CYP46A1: variants seen among roughly 807,000 people sequenced by gnomAD.
The protein encoded by CYP46A1 is cytochrome P450 family 46 subfamily A member 1, also known as cholesterol 24-hydroxylase.
A neutral mutation model predicts 63.3 loss-of-function variants in CYP46A1; 20 were observed. That is an observed-to-expected ratio of 0.32 (90% CI 0.22 to 0.46). The LOEUF (loss-of-function observed/expected upper bound fraction) is 0.46. Among genes scored for constraint, CYP46A1 ranks in the 20% least tolerant of loss-of-function variants. The pLI, the probability that CYP46A1 is intolerant of heterozygous loss-of-function variation, is 1.00. For missense variants in CYP46A1, 445 were observed against 670.8 expected (o/e 0.66, Z 3.72); for synonymous variants, 268 against 273.6 (o/e 0.98, Z 0.20).
At chr14:99,684,720 G>A in intron 1 of CYP46A1, 184 bp downstream of exon 1, 1 of 658,910 alleles carries the variant, frequency 1.5e-6, no homozygotes, top group Non-Finnish European at 2.8e-6. Flanking sequence ...CGCAGCAGCT[G>A]CTGGGCGCCC....
intron 12 of CYP46A1, among the ~76,000 whole-genome samples, chr14:99,723,288 G>T (rs866657331): frequency 6.6e-6 from 1 of 151,900 alleles, no homozygotes; most frequent in Non-Finnish European, 1.5e-5. Context: ...ATTTTTTACG[G>T]CATACATTTA....
At chr14:99,719,768 T>C (rs917318256) in intron 10 of CYP46A1, among the ~76,000 whole-genome samples, 5 of 150,120 alleles carry the variant, frequency 3.3e-5, no homozygotes, top group African/African-American at 1.2e-4. Flanking sequence ...TTTCTTTTTT[T>C]TTTTTTTTTT....
chr14:99,726,701 C>A lies in CYP46A1; in HGVS notation c.1477C>A (p.Pro493Thr). 1 of 1,540,482 alleles carries A rather than the reference C, an allele frequency of 6.5e-7. No homozygotes were observed. Among genetic ancestry groups the A allele is most frequent in the Non-Finnish European group, 8.8e-7 (1 of 1,141,912 alleles). The change falls in exon 15 of 15, where the codon CCC (proline) becomes ACC (threonine). Residue 493 changes from proline to threonine, a missense_variant. Physicochemically the swap from Pro to Thr is conservative, Grantham distance 38 (BLOSUM62 -1). Coordinates refer to ENST00000261835, the MANE Select transcript of CYP46A1 (RefSeq NM_006668.2). ...CACCCTGCGGCCCCGCGGCTGGCAG[C>A]CCGCACCCCCACCACCCCCCTGCTG... ...LCTLRPRGWQ[P>T]APPPPPC is the part of the protein sequence containing the mutation.
At chr14:99,685,662 A>T (rs186935721) in intron 1 of CYP46A1, among the ~76,000 whole-genome samples, 1 of 152,134 alleles carries the variant, frequency 6.6e-6, no homozygotes, top group East Asian at 1.9e-4. Flanking sequence ...AAATCTCAGG[A>T]CATGAATATT....
chr14:99,725,327 G>C lies in CYP46A1; in HGVS notation c.1177-64G>C. The C allele has an allele frequency of 7.2e-7, 1 of 1,394,128 alleles. No homozygotes were observed. Among genetic ancestry groups the C allele is most frequent in the South Asian group, 1.2e-5 (1 of 84,980 alleles). The allele number at this position is 1,394,128 out of a possible 1,614,324, so 86.4% of individuals were successfully genotyped here. ...TGAGTAGCCCTGTTGGGTGGCCTCAGTGGCTCAAGAGGTGCCAGGGGAACA... is the reference window on the plus strand; with the variant it reads ...TGAGTAGCCCTGTTGGGTGGCCTCACTGGCTCAAGAGGTGCCAGGGGAACA... On this transcript the variant is annotated intron_variant, in intron 12 of 14. Coordinates refer to ENST00000261835, the MANE Select transcript of CYP46A1 (RefSeq NM_006668.2). This position sits in a 1 kb window ranked among gnomAD's most constrained non-coding sequence, Gnocchi z 4.2.
At chr14:99,715,553 G>C (rs1049144033) in intron 7 of CYP46A1, among the ~76,000 whole-genome samples, 1 of 152,116 alleles carries the variant, frequency 6.6e-6, no homozygotes, top group Non-Finnish European at 1.5e-5. Context: ...TTTTTACCTT[G>C]CAGGGCCACG....
chr14:99,696,862 T>C (rs1404941182), intron 3 of CYP46A1, among the ~76,000 whole-genome samples: 1 of 152,230 alleles, frequency 6.6e-6, no homozygotes, highest in Admixed American at 6.5e-5. Flanking sequence ...TTTGACTTCA[T>C]TCTGAGATGA....
At chr14:99,720,897 C>A (rs1284233324) in intron 10 of CYP46A1, among the ~76,000 whole-genome samples, 1 of 149,604 alleles carries the variant, frequency 6.7e-6, no homozygotes, top group African/African-American at 2.5e-5. Flanking sequence ...CCAGCCTGGC[C>A]AACATGGTGA....
rs2056612494 is a variant in CYP46A1, at chr14:99,699,455, G to A, written c.283-11G>A. ...TGCATGAGCCTATGTTGGTTTTTTG[G>A]GGATATTTAGAAGTTCCTGATGTCA... On this transcript the variant is annotated splice_polypyrimidine_tract_variant and intron_variant, in intron 3 of 14. Transcript: ENST00000261835. 6.2e-7 allele frequency: 1 copy of A among 1,613,916 alleles called. No homozygotes were observed. The highest frequency in any genetic ancestry group is 2.2e-5 in the East Asian group (1 of 44,870).
chr14:99,693,636 G>A (rs1370026668), intron 3 of CYP46A1: 2 of 152,184 alleles, frequency 1.3e-5, no homozygotes, highest in Non-Finnish European at 2.9e-5. Context: ...GATAAGTTGG[G>A]AAGTGGTAAC....
intron 7 of CYP46A1, among the ~76,000 whole-genome samples, chr14:99,713,605 A>G (rs2056755831): frequency 6.6e-6 from 1 of 151,212 alleles, no homozygotes; most frequent in Non-Finnish European, 1.5e-5. Flanking sequence ...GTGGCCAGGC[A>G]TGGTGGCTCA....
In CYP46A1 at chr14:99,726,997, C is replaced by T. The variant is rs2056909505; in HGVS notation, c.*270C>T. On this transcript the variant is annotated 3_prime_UTR_variant, in exon 15 of 15. Coordinates refer to ENST00000261835, the MANE Select transcript of CYP46A1 (RefSeq NM_006668.2). ...TGAGCCCTTGCACAGGCCACTTGCT[C>T]AGACGAGACACCCTAACTCTTGCTC... The T allele has an allele frequency of 2.5e-6, 1 of 393,624 alleles. No homozygotes were observed. The highest frequency in any genetic ancestry group is 4.4e-5 in the Admixed American group (1 of 22,734). 24.4% of individuals were successfully genotyped at this position (393,624 alleles called of 1,614,324 possible).
chr14:99,695,164 G>C (rs547356203), intron 3 of CYP46A1, among the ~76,000 whole-genome samples: 5 of 152,290 alleles, frequency 3.3e-5, no homozygotes, highest in African/African-American at 1.2e-4. Flanking sequence ...TCATCATCAT[G>C]ATTTCAGTCC....
chr14:99,713,806 C>A (rs1289409635), intron 7 of CYP46A1, among the ~76,000 whole-genome samples: 1 of 135,120 alleles, frequency 7.4e-6, no homozygotes, highest in Non-Finnish European at 1.5e-5. Flanking sequence ...GCAGAGGTTG[C>A]AGTGAGCCGA....
rs1335175535 is a variant in CYP46A1, at chr14:99,691,917, G to T, written c.282+56G>T. On this transcript the variant is annotated intron_variant, in intron 3 of 14. Transcript: ENST00000261835. ...TTCCCTGCCTTTCCTTGGGTTGGGG[G>T]AGTGAAGCCTGGTCCCAGAGACTTT... 1.9e-6 allele frequency: 3 copies of T among 1,548,266 alleles called. No individual in the cohort carries two copies. In the East Asian group the frequency reaches 6.7e-5, roughly 35 times the overall value.
chr14:99,698,187 C>T (rs769781990), intron 3 of CYP46A1, among the ~76,000 whole-genome samples: 8 of 152,160 alleles, frequency 5.3e-5, no homozygotes, highest in Middle Eastern at 3.4e-3. Flanking sequence ...TACTGCTTCC[C>T]AGCACCCACA....
At position 99,726,222 on chromosome 14, in the gene CYP46A1, G is replaced by C; in HGVS notation, c.1298G>C (p.Gly433Ala). 1.2e-6 allele frequency: 2 copies of C among 1,613,886 alleles called. No individual in the cohort carries two copies. The highest frequency in any genetic ancestry group is 1.7e-6 in the Non-Finnish European group (2 of 1,179,988). ...PRFTYFPFSL[G>A]HRSCIGQQFA... ...TTCACCTACTTCCCCTTCTCCCTGG[G>C]CCACCGCTCCTGCATCGGGCAGCAG... The change falls in exon 14 of 15, where the codon GGC (glycine) becomes GCC (alanine). Residue 433 changes from glycine (G) to alanine (A), a missense_variant. By Grantham distance (60) the Gly-to-Ala change is moderately conservative. Around this residue, in one of 4 missense-constraint regions of CYP46A1, gnomAD observed 95 missense variants for 156.9 expected, o/e 0.61. Transcript: ENST00000261835.
intron 5 of CYP46A1, among the ~76,000 whole-genome samples, chr14:99,705,582 A>T (rs1217663446): frequency 6.6e-6 from 1 of 152,276 alleles, no homozygotes; most frequent in Non-Finnish European, 1.5e-5. Flanking sequence ...AAGAATAAGA[A>T]TAGGACAAAG....
intron 5 of CYP46A1, chr14:99,706,356 G>C: frequency 3.1e-6 from 1 of 318,606 alleles, no homozygotes; most frequent in Non-Finnish European, 5.9e-6. Flanking sequence ...ACGTCCCTTT[G>C]AGGTCAGGGC....
Sources: allele counts gnomAD v4.1 joint callset (sites outside exome capture counted in the v4.1 genomes callset), GRCh38; gene constraint gnomAD v4.1.1; regional missense constraint gnomAD v4.1.1; non-coding constraint Gnocchi (gnomAD v3.1); transcripts MANE v1.5; gene names NCBI Gene and HGNC (gene_info 2026-07-23, HGNC 2026-07-21).